The following TMEM98 variants were observed in gnomAD, a reference collection of about 807,000 sequenced individuals.
TMEM98 encodes transmembrane protein 98.
In TMEM98, 18 loss-of-function variants were observed where a neutral mutation model predicts 25.0. The observed-to-expected ratio is 0.72, with a 90% CI of 0.50 to 1.07. The LOEUF is 1.07. Among genes scored for constraint, TMEM98 ranks in the 50% least tolerant of loss-of-function variants. TMEM98 has a pLI of 0.00. For synonymous variants in TMEM98, 103 were observed against 112.4 expected, an observed-to-expected ratio of 0.92 and a Z score of 0.53; for missense variants, 241 against 289.0, an observed-to-expected ratio of 0.83 and a Z score of 1.20.
At chr17:32,939,266 G>T (rs1490088349) in intron 6 of TMEM98, among the ~76,000 whole-genome samples, 1 of 152,112 alleles carries the variant, frequency 6.6e-6, no homozygotes, top group Non-Finnish European at 1.5e-5. Flanking sequence ...AATTAGCTGG[G>T]CATGGTGGCG....
rs9772 is a variant in TMEM98 at position 32,941,360 on chromosome 17, C to T, written c.*367C>T. 50,710 of 171,796 alleles carry T rather than the reference C, an allele frequency of 0.3. 7,622 individuals carry two copies. Among genetic ancestry groups the T allele is most frequent in the Admixed American group, 0.31 (5,487 of 17,962 alleles). The allele number at this position is 171,796 out of a possible 1,614,324, so 10.6% of individuals were successfully genotyped here. ...ATTAGAATTTCTGGCCTCTCTCGATCGGTCAGAATGTGTGGCAATTCTGAT... is the reference window on the plus strand; with the variant it reads ...ATTAGAATTTCTGGCCTCTCTCGATTGGTCAGAATGTGTGGCAATTCTGAT... On this transcript the variant is annotated 3_prime_UTR_variant, in exon 8 of 8. Coordinates refer to ENST00000579849, the MANE Select transcript of TMEM98 (RefSeq NM_015544.3).
At chr17:32,929,630 C>T (rs940305484) in intron 1 of TMEM98, among the ~76,000 whole-genome samples, 11 of 152,042 alleles carry the variant, frequency 7.2e-5, no homozygotes, top group Non-Finnish European at 1.3e-4. Context: ...ACAAAATCAG[C>T]GACACACACA....
In TMEM98 at chr17:32,940,803, T is replaced by C; in HGVS notation, c.491T>C (p.Leu164Pro). The change falls in exon 8 of 8, where the codon CTG (leucine) becomes CCG (proline). Residue 164 changes from leucine to proline, a missense_variant. By Grantham distance (98) the Leu-to-Pro change is moderately conservative. Coordinates refer to ENST00000579849, the MANE Select transcript of TMEM98 (RefSeq NM_015544.3). Reference sequence around the variant, plus strand: ...TTCCCTAGGACGACTGCCCTGCTCCTGTCTGTCAGTCACCTGGTGCTGGTG... The same window carrying C: ...TTCCCTAGGACGACTGCCCTGCTCCCGTCTGTCAGTCACCTGGTGCTGGTG... ...LLDARTTALLLSVSHLVLVTR... is the reference protein window; with the variant it reads ...LLDARTTALLPSVSHLVLVTR... The C allele has an allele frequency of 6.2e-7, 1 of 1,614,066 alleles. No individual in the cohort carries two copies. Among genetic ancestry groups the C allele is most frequent in the Non-Finnish European group, 8.5e-7 (1 of 1,179,926 alleles).
At position 32,943,302 on chromosome 17, in the gene TMEM98, G is replaced by A. The variant is rs2091539962; in HGVS notation, c.*2309G>A. On this transcript the variant is annotated 3_prime_UTR_variant, in exon 8 of 8. Transcript: ENST00000579849. ...GATGGTTGAAGTGGAAGCAGTCTTT[G>A]GGGTAGGAGGCAATGCCACTCCTCT... The A allele has an allele frequency of 6.6e-6, 1 of 152,228 alleles. No homozygotes were observed. The highest frequency in any genetic ancestry group is 1.9e-4 in the East Asian group (1 of 5,182). The allele number at this position is 152,228 out of a possible 1,614,324, so 9.4% of individuals were successfully genotyped here.
Position 32,942,183 on chromosome 17 carries a change from C to G in TMEM98, c.*1190C>G, listed in dbSNP as rs942770534. ...TCCCCCTTTCTTCTGATATTAATAT[C>G]TGTTCATTTTGCAAACATTGAAAGA... is the stretch of plus-strand genomic sequence containing the variant. On this transcript the variant is annotated 3_prime_UTR_variant, in exon 8 of 8. Coordinates refer to ENST00000579849, the MANE Select transcript of TMEM98 (RefSeq NM_015544.3). 2.2e-4 allele frequency: 33 copies of G among 152,194 alleles called. No homozygotes were observed. Among genetic ancestry groups the G allele is most frequent in the Admixed American group, 8.5e-4 (13 of 15,280 alleles). 9.4% of individuals were successfully genotyped at this position (152,194 alleles called of 1,614,324 possible).
At chr17:32,928,990 T>A (rs1351827315) in intron 1 of TMEM98, among the ~76,000 whole-genome samples, 1 of 137,376 alleles carries the variant, frequency 7.3e-6, no homozygotes, top group African/African-American at 2.8e-5. Flanking sequence ...GAGAAACAGT[T>A]CACACTCGCT....
chr17:32,933,383 A>G lies in TMEM98; in HGVS notation c.263+78A>G, dbSNP rs1256578933. The G allele has an allele frequency of 2.5e-6, 4 of 1,582,922 alleles. No individual in the cohort carries two copies. In the East Asian group the frequency reaches 9.0e-5, roughly 35 times the overall value. Reference sequence around the variant, plus strand: ...GCTGGTGTCCTTTGCCAGAGCACTTAGCTGGCATTCAAGAACAGTCACTCT... The same window carrying G: ...GCTGGTGTCCTTTGCCAGAGCACTTGGCTGGCATTCAAGAACAGTCACTCT... On this transcript the variant is annotated intron_variant, in intron 4 of 7. Transcript: ENST00000579849.
chr17:32,932,091 C>T (rs2151111296), intron 3 of TMEM98, among the ~76,000 whole-genome samples: 1 of 146,580 alleles, frequency 6.8e-6, no homozygotes, highest in East Asian at 2.0e-4. Context: ...CTTTGCACAG[C>T]AGATTTTTTT....
intron 3 of TMEM98, among the ~76,000 whole-genome samples, chr17:32,932,094 A>ATTTTTTTTTTTTTTTTTTTTTTTTTTTT (rs774760952): frequency 8.4e-6 from 1 of 118,992 alleles, no homozygotes; most frequent in Non-Finnish European, 1.7e-5. Flanking sequence ...TGCACAGCAG[A>ATTTTTTTTTTTTTTTTTTTTTTTTTTTT]TTTTTTTTTT....
chr17:32,940,684 T>C (rs1037787406), intron 7 of TMEM98, 102 bp from the exon 8 acceptor site: 2 of 1,079,122 alleles, frequency 1.9e-6, no homozygotes, highest in African/African-American at 3.2e-5. Context: ...GGGAAGGGTG[T>C]GCAGTTTGGG....
chr17:32,934,783 G>T (rs28922), intron 5 of TMEM98, among the ~76,000 whole-genome samples: 1 of 152,086 alleles, frequency 6.6e-6, no homozygotes, highest in East Asian at 1.9e-4. Context: ...GGCTGTGACC[G>T]TAGTCAGCCA....
rs1412375006 is a variant in TMEM98 at position 32,942,368 on chromosome 17, C to G, written c.*1375C>G. 6.6e-6 allele frequency: 1 copy of G among 152,208 alleles called. No individual in the cohort carries two copies. The highest frequency in any genetic ancestry group is 1.5e-5 in the Non-Finnish European group (1 of 68,046). 9.4% of individuals were successfully genotyped at this position (152,208 alleles called of 1,614,324 possible). A position where few individuals can be genotyped will look rare whatever the true frequency, so the allele number is the denominator to read the frequency against. On this transcript the variant is annotated 3_prime_UTR_variant, in exon 8 of 8. Transcript: ENST00000579849. Reference sequence around the variant, plus strand: ...GAGAGGGGCCTGGTATAGGGGCTGCCCAGGTTCGTAGCCTATGCTGTCAAG... The same window carrying G: ...GAGAGGGGCCTGGTATAGGGGCTGCGCAGGTTCGTAGCCTATGCTGTCAAG...
chr17:32,939,443 A>G, intron 6 of TMEM98, 34 bp from the exon 7 acceptor site: 1 of 1,601,762 alleles, frequency 6.2e-7, no homozygotes, highest in Non-Finnish European at 8.5e-7. Context: ...AGATCAGGAA[A>G]GTGAAGTACT....
At position 32,941,621 on chromosome 17, in the gene TMEM98, T is replaced by G. The variant is rs2091531760; in HGVS notation, c.*628T>G. 6.6e-6 allele frequency: 1 copy of G among 152,258 alleles called. No individual in the cohort carries two copies. The highest frequency in any genetic ancestry group is 6.5e-5 in the Admixed American group (1 of 15,284). 9.4% of individuals were successfully genotyped at this position (152,258 alleles called of 1,614,324 possible). A position where few individuals can be genotyped will look rare whatever the true frequency, so the allele number is the denominator to read the frequency against. ...TTTTACCTAGCTACCACTAGGTGGATAGTAAATTTATACTTATGTTTCCCT... is the reference window on the plus strand; with the variant it reads ...TTTTACCTAGCTACCACTAGGTGGAGAGTAAATTTATACTTATGTTTCCCT... On this transcript the variant is annotated 3_prime_UTR_variant, in exon 8 of 8. Coordinates refer to ENST00000579849, the MANE Select transcript of TMEM98 (RefSeq NM_015544.3).
At chr17:32,932,095 T>C (rs2091472870) in intron 3 of TMEM98, among the ~76,000 whole-genome samples, 2 of 94,638 alleles carry the variant, frequency 2.1e-5, no homozygotes, top group Admixed American at 2.1e-4. Context: ...GCACAGCAGA[T>C]TTTTTTTTTT....
intron 6 of TMEM98, 36 bp downstream of exon 6, chr17:32,936,483 C>T (rs1183471858): frequency 1.3e-6 from 2 of 1,578,788 alleles, no homozygotes; most frequent in Admixed American, 3.4e-5. Flanking sequence ...CCCACACTCC[C>T]TGAGGGAAGA....
Position 32,941,304 on chromosome 17 carries a change from C to T in TMEM98, c.*311C>T, listed in dbSNP as rs560750898. The T allele has an allele frequency of 4.8e-6, 1 of 209,082 alleles. No homozygotes were observed. The highest frequency in any genetic ancestry group is 5.4e-5 in the Admixed American group (1 of 18,640). 13.0% of individuals were successfully genotyped at this position (209,082 alleles called of 1,614,324 possible). ...AGTGTTTTCAAGAAAATTGAGCCAC[C>T]GTCTAAGAAATCAAGAGGTTTCACA... On this transcript the variant is annotated 3_prime_UTR_variant, in exon 8 of 8. Coordinates refer to ENST00000579849, the MANE Select transcript of TMEM98 (RefSeq NM_015544.3).
At chr17:32,930,815 T>G (rs2091464235) in intron 1 of TMEM98, 1 of 152,218 alleles carries the variant, frequency 6.6e-6, no homozygotes, top group Non-Finnish European at 1.5e-5. Flanking sequence ...CAGTTTCATC[T>G]TTCCTCTCTT....
chr17:32,929,391 T>G (rs1038071512), intron 1 of TMEM98, among the ~76,000 whole-genome samples: 2 of 151,898 alleles, frequency 1.3e-5, no homozygotes, highest in Admixed American at 6.6e-5. Flanking sequence ...TGGGTGGTCT[T>G]GGAGGCCTGG....
Sources: allele counts gnomAD v4.1 joint callset (sites outside exome capture counted in the v4.1 genomes callset), GRCh38; gene constraint gnomAD v4.1.1; transcripts MANE v1.5; gene names NCBI Gene and HGNC (gene_info 2026-07-23, HGNC 2026-07-21).